The following KCNT2 variants were observed in gnomAD, a reference collection of about 807,000 sequenced individuals.
KCNT2 encodes potassium sodium-activated channel subfamily T member 2, also known as potassium channel subfamily T member 2.
In KCNT2, 67 loss-of-function variants were observed where a neutral mutation model predicts 153.8. The ratio of observed to expected loss-of-function variants is 0.44; its 90% CI spans 0.36 to 0.53. The LOEUF (loss-of-function observed/expected upper bound fraction) is 0.53. Ranked by LOEUF, KCNT2 falls within the 20% of genes least tolerant of loss-of-function variation. The probability of loss-of-function intolerance (pLI) is 0.00; values close to 1 mark genes in which losing one functional copy is unlikely to be tolerated. For missense variants in KCNT2, 975 were observed against 1,354.8 expected (o/e 0.72, Z 4.40); for synonymous variants, 500 against 458.8 (o/e 1.09, Z -1.15).
intron 18 of KCNT2, among the ~76,000 whole-genome samples, chr1:196,328,380 C>T (rs939961196): frequency 2.6e-5 from 4 of 151,740 alleles, no homozygotes; most frequent in Admixed American, 2.0e-4. Context: ...TGGAAGCTAT[C>T]GTGAGAATAT....
chr1:196,319,309 C>T (rs551228292), intron 20 of KCNT2, among the ~76,000 whole-genome samples, 175 bp downstream of exon 20: 6 of 151,748 alleles, frequency 4.0e-5, no homozygotes, highest in Admixed American at 6.6e-5. Context: ...TAGATTACTA[C>T]TCAGAAAGTT....
chr1:196,429,845 T>G, intron 8 of KCNT2, 88 bp from the exon 9 acceptor site: 1 of 822,570 alleles, frequency 1.2e-6, no homozygotes, highest in Admixed American at 3.1e-5. Context: ...CAAAGCACAT[T>G]TCATAAAGCC....
chr1:196,598,373 A>G (rs1367626055), intron 1 of KCNT2, among the ~76,000 whole-genome samples: 1 of 152,174 alleles, frequency 6.6e-6, no homozygotes, highest in Non-Finnish European at 1.5e-5. Flanking sequence ...ACACACACAA[A>G]TAAAACCATT....
intron 14 of KCNT2, among the ~76,000 whole-genome samples, chr1:196,364,218 G>A (rs73067623): frequency 0.023 from 3,510 of 152,234 alleles, 139 homozygotes; most frequent in African/African-American, 0.079. Flanking sequence ...TGTATGGAAA[G>A]CGTATGTGTG....
rs1044050392 is a variant in KCNT2, at chr1:196,231,279, C to A, written c.3297-2944G>T. Among the ~76,000 whole-genome samples the A allele has an allele frequency of 7.9e-5, 12 of 151,816 alleles. 1 individual carries two copies. Among genetic ancestry groups the A allele is most frequent in the Admixed American group, 7.2e-4 (11 of 15,228 alleles). On this transcript the variant is annotated intron_variant, in intron 27 of 27. Transcript: ENST00000294725. ...AATGCAAACATAAATTTTGTATGCACCGGGAAACCAAAAAATTCAAGTGAC... is the reference window on the plus strand; with the variant it reads ...AATGCAAACATAAATTTTGTATGCAACGGGAAACCAAAAAATTCAAGTGAC...
intron 26 of KCNT2, among the ~76,000 whole-genome samples, chr1:196,245,081 T>C (rs1413029146): frequency 6.6e-6 from 1 of 152,108 alleles, no homozygotes; most frequent in African/African-American, 2.4e-5. Context: ...CTTCAAGATC[T>C]TATGCAATAC....
intron 1 of KCNT2, among the ~76,000 whole-genome samples, chr1:196,540,792 C>G (rs186776008): frequency 6.6e-6 from 1 of 152,098 alleles, no homozygotes; most frequent in Non-Finnish European, 1.5e-5. Context: ...TTAGGCCAGG[C>G]GCTGTGGCTC....
Position 196,226,765 on chromosome 1 carries a change from G to A in KCNT2, c.*1459C>T, listed in dbSNP as rs947833865. On this transcript the variant is annotated 3_prime_UTR_variant, in exon 28 of 28. Coordinates refer to ENST00000294725, the MANE Select transcript of KCNT2 (RefSeq NM_198503.5). Reference sequence around the variant, plus strand: ...CCTTTAAGTTGATCTGCTTCATTATGAAAAGAAAGGAAAAAAAGTCCCTTT... The same window carrying A: ...CCTTTAAGTTGATCTGCTTCATTATAAAAAGAAAGGAAAAAAAGTCCCTTT... The A allele has an allele frequency of 6.6e-6, 1 of 151,738 alleles. No individual in the cohort carries two copies. Among genetic ancestry groups the A allele is most frequent in the African/African-American group, 2.4e-5 (1 of 41,356 alleles). 9.4% of individuals were successfully genotyped at this position (151,738 alleles called of 1,614,324 possible).
intron 1 of KCNT2, among the ~76,000 whole-genome samples, chr1:196,561,941 C>A (rs916960478): frequency 6.6e-6 from 1 of 151,774 alleles, no homozygotes; most frequent in African/African-American, 2.4e-5. Context: ...ATCTAAAGAC[C>A]TGGAATTCAT....
At chr1:196,434,098 TTG>T (rs1286330915) in intron 8 of KCNT2, among the ~76,000 whole-genome samples, 1 of 152,114 alleles carries the variant, frequency 6.6e-6, no homozygotes, top group East Asian at 1.9e-4. Flanking sequence ...TAACAGTTTA[TTG>T]GCTCAGCTGC....
intron 14 of KCNT2, among the ~76,000 whole-genome samples, chr1:196,372,360 G>A (rs1668610441): frequency 6.6e-6 from 1 of 151,764 alleles, no homozygotes; most frequent in Non-Finnish European, 1.5e-5. Flanking sequence ...TACTTAATAT[G>A]AGTAATCATA....
chr1:196,548,772 T>C (rs374706309), intron 1 of KCNT2, among the ~76,000 whole-genome samples: 1 of 152,056 alleles, frequency 6.6e-6, no homozygotes, highest in African/African-American at 2.4e-5. Flanking sequence ...CCAACAATGA[T>C]AGACTGGATT....
Position 196,448,559 on chromosome 1 carries a change from TAATGTTTATAC to T in KCNT2, c.638+16723_638+16733del, listed in dbSNP as rs141554606. 7.7e-3 allele frequency among the ~76,000 whole-genome samples: 1,174 copies of T among 151,764 alleles called. 8 individuals carry two copies. The highest frequency in any genetic ancestry group is 0.027 in the African/African-American group (1,130 of 41,500). On this transcript the variant is annotated intron_variant, in intron 8 of 27. Transcript: ENST00000294725. ...TACTGTGTGGCCTGGAAGCTTTTTA[TAATGTTTATAC>T]AATGTTTATACTTAATCCCGACTCT...
chr1:196,304,673 T>C (rs1163561738), intron 22 of KCNT2, among the ~76,000 whole-genome samples: 6 of 152,210 alleles, frequency 3.9e-5, no homozygotes, highest in Admixed American at 1.3e-4. Context: ...CAAATCTTTC[T>C]GACCATATAA....
At chr1:196,568,359 C>T (rs1432210239) in intron 1 of KCNT2, among the ~76,000 whole-genome samples, 2 of 151,974 alleles carry the variant, frequency 1.3e-5, no homozygotes, top group African/African-American at 4.8e-5. Flanking sequence ...TTTGGGAGGC[C>T]GAGGCGGGCG....
At chr1:196,229,992 G>T (rs780622275) in intron 27 of KCNT2, among the ~76,000 whole-genome samples, 3 of 152,074 alleles carry the variant, frequency 2.0e-5, no homozygotes, top group Non-Finnish European at 4.4e-5. Flanking sequence ...TAGTGCTAAT[G>T]CAGAAGCTAC....
chr1:196,369,599 GT>G (rs1668344307), intron 14 of KCNT2, among the ~76,000 whole-genome samples: 16 of 151,748 alleles, frequency 1.1e-4, no homozygotes, highest in Admixed American at 1.1e-3. Context: ...TCCTGCGATA[GT>G]TTACTGAGAA....
chr1:196,475,474 G>T (rs926514951), intron 5 of KCNT2, among the ~76,000 whole-genome samples: 1 of 151,920 alleles, frequency 6.6e-6, no homozygotes, highest in Non-Finnish European at 1.5e-5. Flanking sequence ...ACAAATATTA[G>T]CCGGGTGTGG....
chr1:196,492,492 T>G (rs1225353404), intron 1 of KCNT2, 151 bp from the exon 2 acceptor site: 3 of 619,044 alleles, frequency 4.8e-6, no homozygotes, highest in Admixed American at 5.1e-5. Context: ...GCATTATGTA[T>G]TTTAGTAAAT....
Sources: gnomAD v4.1 joint callset for allele counts (sites outside exome capture counted in the v4.1 genomes callset) on GRCh38, gnomAD v4.1.1 for gene constraint, MANE v1.5 for transcripts, NCBI Gene and HGNC (gene_info 2026-07-23, HGNC 2026-07-21) for gene names.